Variants in HERC1 observed in about 807,000 individuals in gnomAD.
HERC1 encodes HECT and RLD domain containing E3 ubiquitin protein ligase family member 1.
HERC1 carries 160 observed loss-of-function variants against 554.3 expected under a neutral mutation model. The ratio of observed to expected loss-of-function variants is 0.29; its 90% CI spans 0.25 to 0.33. The LOEUF (loss-of-function observed/expected upper bound fraction) is 0.33, where lower values mean the gene tolerates loss of function less well. Among genes scored for constraint, HERC1 ranks in the 10% least tolerant of loss-of-function variants. HERC1 has a pLI of 1.00. For synonymous variants in HERC1, 2,175 were observed against 2,131.7 expected (o/e 1.02, Z -0.56); for missense variants, 4,919 against 5,918.5 (o/e 0.83, Z 5.54).
intron 12 of HERC1, among the ~76,000 whole-genome samples, chr15:63,741,307 G>A (rs899459773): frequency 6.6e-5 from 10 of 150,886 alleles, no homozygotes; most frequent in South Asian, 2.1e-4. Context: ...GATTACAGGC[G>A]TGAGCCACCG....
At chr15:63,665,782 C>T in intron 42 of HERC1, 137 bp downstream of exon 42, 1 of 613,816 alleles carries the variant, frequency 1.6e-6, no homozygotes, top group Non-Finnish European at 2.7e-6. Context: ...AAACTTGTAA[C>T]TAAAATGCCC....
chr15:63,831,716 G>A lies in HERC1; in HGVS notation c.-27+2111C>T, dbSNP rs1157931026. Among the ~76,000 whole-genome samples, 6 of 151,900 alleles carry A rather than the reference G, an allele frequency of 3.9e-5. No homozygotes were observed. In the East Asian group the frequency reaches 1.2e-3, roughly 29 times the overall value. ...TGGGGGAAAACATGCTTGGAACGTT[G>A]GAATTGTTATTACTATTTATTATTT... is the stretch of plus-strand genomic sequence containing the variant. On this transcript the variant is annotated intron_variant, in intron 1 of 77. Transcript: ENST00000443617.
chr15:63,780,660 TA>T (rs1479666583), intron 1 of HERC1: 1 of 151,772 alleles, frequency 6.6e-6, no homozygotes, highest in Non-Finnish European at 1.5e-5. Context: ...AGGCGGAGGT[TA>T]CGGTGAGCCA....
At position 63,694,203 on chromosome 15, in the gene HERC1, G is replaced by A; in HGVS notation, c.5481-46C>T. 1 of 1,565,396 alleles carries A rather than the reference G, an allele frequency of 6.4e-7. No individual in the cohort carries two copies. The highest frequency in any genetic ancestry group is 8.7e-7 in the Non-Finnish European group (1 of 1,154,882). ...AAATAAGTGGCAAACACACAGAAGG[G>A]CAAGCATAGTGCTTAAATACATAAA... On this transcript the variant is annotated intron_variant, in intron 29 of 77. Transcript: ENST00000443617. This position sits in a 1 kb window ranked among gnomAD's most constrained non-coding sequence, Gnocchi z 4.3.
At chr15:63,725,190 A>G in intron 18 of HERC1, 102 bp downstream of exon 18, 2 of 996,450 alleles carry the variant, frequency 2.0e-6, no homozygotes, top group Non-Finnish European at 3.0e-6. Context: ...TAATGTTGCA[A>G]TTGGTGCCTG....
intron 66 of HERC1, 74 bp from the exon 67 acceptor site, chr15:63,634,044 T>C (rs2068677113): frequency 6.4e-7 from 1 of 1,561,718 alleles, no homozygotes; most frequent in Non-Finnish European, 8.7e-7. Flanking sequence ...GGGACCCTTT[T>C]TCTCTACTTC....
intron 2 of HERC1, among the ~76,000 whole-genome samples, chr15:63,766,223 C>T (rs941986298): frequency 2.0e-5 from 3 of 150,066 alleles, no homozygotes; most frequent in African/African-American, 2.4e-5. Flanking sequence ...AATATTAATC[C>T]GATTAATTTG....
chr15:63,626,544 C>T (rs1457836022), intron 70 of HERC1, among the ~76,000 whole-genome samples: 55 of 152,096 alleles, frequency 3.6e-4, no homozygotes. Flanking sequence ...ACTAAGTAGG[C>T]AGTTCTGGAA....
chr15:63,721,253 G>A (rs1046788938), intron 19 of HERC1, among the ~76,000 whole-genome samples: 1 of 152,196 alleles, frequency 6.6e-6, no homozygotes, highest in African/African-American at 2.4e-5. Context: ...GCCAGGCGCC[G>A]TGGCTCACAC....
chr15:63,772,303 G>A (rs927167604), intron 2 of HERC1, among the ~76,000 whole-genome samples: 3 of 152,102 alleles, frequency 2.0e-5, no homozygotes, highest in African/African-American at 7.2e-5. Context: ...GGTCCTCGAG[G>A]AAGAGGCTTC....
chr15:63,780,109 T>C lies in HERC1; in HGVS notation c.-26-4460A>G, dbSNP rs545710215. On this transcript the variant is annotated intron_variant, in intron 1 of 77. Coordinates refer to ENST00000443617, the MANE Select transcript of HERC1 (RefSeq NM_003922.4). ...CAATCTGAATTGCATTAGATTTATG[T>C]ACTTTCAGAAAATAGACATTTTTAT... The C allele has an allele frequency of 2.6e-5, 4 of 152,252 alleles. No individual in the cohort carries two copies. The East Asian group carries it at 7.7e-4, about 29-fold the overall frequency. The allele number at this position is 152,252 out of a possible 1,614,324, so 9.4% of individuals were successfully genotyped here. A position where few individuals can be genotyped will look rare whatever the true frequency, so the allele number is the denominator to read the frequency against.
Position 63,706,787 on chromosome 15 carries a change from T to A in HERC1, c.4629A>T (p.Arg1543Ser), listed in dbSNP as rs2073029489. The A allele has an allele frequency of 6.5e-7, 1 of 1,539,928 alleles. No homozygotes were observed. Among genetic ancestry groups the A allele is most frequent in the East Asian group, 2.4e-5 (1 of 41,134 alleles). Residue 1543 changes from arginine (R) to serine (S), a missense_variant, in exon 25 of 78, where the codon AGA becomes AGT. Physicochemically the swap from Arg to Ser is moderately radical, Grantham distance 110. This residue lies in a region of HERC1 where 1,121 missense variants were observed against 1,244.0 expected (regional missense o/e 0.90). Coordinates refer to ENST00000443617, the MANE Select transcript of HERC1 (RefSeq NM_003922.4). ...NVDLDLAASHRKRGPMHSQLE... is the reference protein window; with the variant it reads ...NVDLDLAASHSKRGPMHSQLE... ...CTTAATACTTACACTTACCTCTCTT[T>A]CTGTGAGATGCTGCCAAATCCAAAT...
chr15:63,618,945 G>C (rs925043876), intron 74 of HERC1, among the ~76,000 whole-genome samples: 10 of 152,090 alleles, frequency 6.6e-5, no homozygotes, highest in African/African-American at 2.4e-4. Context: ...CTGCAAACAG[G>C]GACAATTTGA....
intron 63 of HERC1, 150 bp downstream of exon 63, chr15:63,638,261 T>G (rs1343755401): frequency 1.2e-6 from 1 of 843,060 alleles, no homozygotes; most frequent in Non-Finnish European, 1.8e-6. Flanking sequence ...ACACCAAGTT[T>G]TTATTTGAAA....
In HERC1 at chr15:63,649,859, G is replaced by A. The variant is rs548768690; in HGVS notation, c.10613C>T (p.Pro3538Leu). ...AGACTCTCCTGACCAGGCTGTAGCC[G>A]GACCCTCTTCTGGCCAAGCCAGGGC... is the stretch of plus-strand genomic sequence containing the variant. ...VSALAWPEEG[P>L]ATAWSGESPE... Residue 3538 changes from proline (P) to leucine (L), a missense_variant, in exon 54 of 78, where the codon CCG becomes CTG. Physicochemically the swap from Pro to Leu is moderately conservative, Grantham distance 98 (BLOSUM62 -3). Transcript: ENST00000443617. 1.1e-4 allele frequency: 180 copies of A among 1,612,788 alleles called. 1 individual carries two copies. Among genetic ancestry groups the A allele is most frequent in the South Asian group, 7.8e-4 (71 of 90,766 alleles).
At chr15:63,748,556 T>C (rs1307591369) in intron 10 of HERC1, among the ~76,000 whole-genome samples, 1 of 152,110 alleles carries the variant, frequency 6.6e-6, no homozygotes, top group Non-Finnish European at 1.5e-5. Context: ...AATCCTGAAA[T>C]TTCTTGTTAA....
Position 63,615,812 on chromosome 15 carries a change from C to A in HERC1, c.14050G>T (p.Val4684Leu), listed in dbSNP as rs1356613224. 1 of 1,608,270 alleles carries A rather than the reference C, an allele frequency of 6.2e-7. No individual in the cohort carries two copies. The highest frequency in any genetic ancestry group is 8.5e-7 in the Non-Finnish European group (1 of 1,178,178). Residue 4684 changes from valine to leucine, a missense_variant, in exon 76 of 78, where the codon GTG (valine) becomes TTG (leucine). Coordinates refer to ENST00000443617, the MANE Select transcript of HERC1 (RefSeq NM_003922.4). ...PLTFSNRKEY[V>L]ERAIEYRLHE... ...AGTCGATATTCAATGGCCCTCTCCA[C>A]ATATTCCTTCCTGTTGGAAAATGTG...
At chr15:63,623,973 G>A (rs754780460) in intron 72 of HERC1, 83 bp from the exon 73 acceptor site, 17 of 1,467,230 alleles carry the variant, frequency 1.2e-5, no homozygotes, top group Non-Finnish European at 1.6e-5. Flanking sequence ...ATCAGTGAAT[G>A]AAAAAGCTAG....
At chr15:63,794,113 G>A (rs888041935) in intron 1 of HERC1, among the ~76,000 whole-genome samples, 9 of 152,226 alleles carry the variant, frequency 5.9e-5, no homozygotes, top group South Asian at 2.1e-4. Context: ...GGTCTAAAAA[G>A]GGGAGGCATG....
Sources: allele counts gnomAD v4.1 joint callset (sites outside exome capture counted in the v4.1 genomes callset), GRCh38; gene constraint gnomAD v4.1.1; regional missense constraint gnomAD v4.1.1; non-coding constraint Gnocchi (gnomAD v3.1); transcripts MANE v1.5; gene names NCBI Gene and HGNC (gene_info 2026-07-23, HGNC 2026-07-21).